Variants in RBFOX3 observed in about 807,000 individuals in gnomAD.
The protein encoded by RBFOX3 is RNA binding protein fox-1 homolog 3.
A neutral mutation model predicts 48.7 loss-of-function variants in RBFOX3; 17 were observed. The observed-to-expected ratio is 0.35, with a 90% CI of 0.24 to 0.52. RBFOX3 has a LOEUF of 0.52. Among genes scored for constraint, RBFOX3 ranks in the 20% least tolerant of loss-of-function variants. The pLI is 0.94. For synonymous variants in RBFOX3, 212 were observed against 209.5 expected (o/e 1.01, Z -0.10); for missense variants, 382 against 497.5 (o/e 0.77, Z 2.21).
chr17:79,581,498 G>A (rs1321128622), intron 1 of RBFOX3, among the ~76,000 whole-genome samples: 3 of 152,304 alleles, frequency 2.0e-5, no homozygotes, highest in South Asian at 2.1e-4. Context: ...GAGTCGTTAC[G>A]TCACTCACCG....
chr17:79,557,246 A>AAAAAGG (rs2091842499), intron 1 of RBFOX3, among the ~76,000 whole-genome samples: 5 of 132,256 alleles, frequency 3.8e-5, no homozygotes, highest in Admixed American at 1.6e-4. Context: ...AAAAAAAAAA[A>AAAAAGG]AAAGGAAAGG....
chr17:79,444,975 T>C (rs1555737297), intron 2 of RBFOX3, among the ~76,000 whole-genome samples: 1 of 152,172 alleles, frequency 6.6e-6, no homozygotes, highest in African/African-American at 2.4e-5. Context: ...TTTTCTGTTC[T>C]GGACATTTCA....
At chr17:79,278,259 C>A (rs1339889602) in intron 3 of RBFOX3, among the ~76,000 whole-genome samples, 1 of 152,188 alleles carries the variant, frequency 6.6e-6, no homozygotes, top group Non-Finnish European at 1.5e-5. Flanking sequence ...TCCAGGCTGC[C>A]TGCAGTAACA....
chr17:79,314,490 T>C (rs1302841456), intron 2 of RBFOX3, among the ~76,000 whole-genome samples: 2 of 152,028 alleles, frequency 1.3e-5, no homozygotes, highest in Admixed American at 6.5e-5. Context: ...CACAGCCAGG[T>C]CCACGCCTGA....
intron 1 of RBFOX3, among the ~76,000 whole-genome samples, chr17:79,494,111 C>CATAA (rs1434055976): frequency 6.6e-6 from 1 of 152,164 alleles, no homozygotes; most frequent in Non-Finnish European, 1.5e-5. Context: ...TCTCATATCT[C>CATAA]ATAAATAAAT....
At chr17:79,619,287 G>A in the RBFOX3 span, among the ~76,000 whole-genome samples, 1 of 152,194 alleles carries the variant, frequency 6.6e-6, no homozygotes, top group African/African-American at 2.4e-5. Context: ...CAAAACCAGA[G>A]GCTGAAAACA....
chr17:79,138,849 C>T (rs1365522997), intron 4 of RBFOX3, among the ~76,000 whole-genome samples: 1 of 129,566 alleles, frequency 7.7e-6, no homozygotes, highest in Non-Finnish European at 1.7e-5. Flanking sequence ...GCACACAGCA[C>T]ATGCATTCAC....
chr17:79,365,872 G>A (rs562690590), intron 2 of RBFOX3, among the ~76,000 whole-genome samples: 36 of 152,318 alleles, frequency 2.4e-4, no homozygotes, highest in South Asian at 1.7e-3. Flanking sequence ...AGAGCACAGC[G>A]GCCACACCTC....
chr17:79,310,808 T>G (rs2076748067), intron 2 of RBFOX3, among the ~76,000 whole-genome samples: 1 of 152,190 alleles, frequency 6.6e-6, no homozygotes, highest in Non-Finnish European at 1.5e-5. Context: ...GAAACATTGC[T>G]GTTTCCAGGA....
intron 3 of RBFOX3, among the ~76,000 whole-genome samples, chr17:79,294,467 C>G (rs528116749): frequency 6.6e-6 from 1 of 152,264 alleles, no homozygotes; most frequent in Admixed American, 6.5e-5. Flanking sequence ...CCTGCCACCA[C>G]GCCCAGCTAA....
chr17:79,397,390 G>T (rs1175457880), intron 2 of RBFOX3, among the ~76,000 whole-genome samples: 1 of 152,120 alleles, frequency 6.6e-6, no homozygotes, highest in Non-Finnish European at 1.5e-5. Flanking sequence ...CTACTCGGGG[G>T]TCTGAGGCAG....
intron 4 of RBFOX3, among the ~76,000 whole-genome samples, chr17:79,117,031 T>C (rs1221496753): frequency 6.6e-6 from 1 of 152,190 alleles, no homozygotes. Flanking sequence ...AGAGGAGGGC[T>C]GGGGTCTTTC....
At chr17:79,566,127 A>G (rs2092444761) in intron 1 of RBFOX3, among the ~76,000 whole-genome samples, 1 of 152,182 alleles carries the variant, frequency 6.6e-6, no homozygotes, top group Non-Finnish European at 1.5e-5. Context: ...ATCAGCAGCC[A>G]CAAGGAACAG....
rs2078407945 is a variant in RBFOX3 at position 79,479,141 on chromosome 17, G to T, written c.-175+3313C>A. On this transcript the variant is annotated intron_variant, in intron 2 of 14. Transcript: ENST00000693108. The surrounding 1 kb of genome is among the most constrained non-coding windows in gnomAD (Gnocchi z 5.1). ...GGGTTTCTCCATCACTGTTCTCCAA[G>T]TCCCTCTTAGGAAGCCCCTTCCTCT... 6.6e-6 allele frequency among the ~76,000 whole-genome samples: 1 copy of T among 152,186 alleles called. No homozygotes were observed. The highest frequency in any genetic ancestry group is 1.5e-5 in the Non-Finnish European group (1 of 68,028).
At chr17:79,180,217 C>T (rs1244908193) in intron 4 of RBFOX3, among the ~76,000 whole-genome samples, 2 of 152,282 alleles carry the variant, frequency 1.3e-5, no homozygotes, top group African/African-American at 4.8e-5. Flanking sequence ...GAGGGACACA[C>T]CCCATCCCCA....
intron 4 of RBFOX3, among the ~76,000 whole-genome samples, chr17:79,125,750 C>T (rs951137283): frequency 6.6e-6 from 1 of 152,200 alleles, no homozygotes; most frequent in African/African-American, 2.4e-5. Flanking sequence ...CCTGGGCCGG[C>T]GGGGCAGGCT....
chr17:79,339,460 C>T (rs549119202), intron 2 of RBFOX3, among the ~76,000 whole-genome samples: 29 of 152,332 alleles, frequency 1.9e-4, no homozygotes, highest in South Asian at 1.2e-3. Flanking sequence ...GCCTCACCCA[C>T]GAGCTCAGTA....
intron 3 of RBFOX3, among the ~76,000 whole-genome samples, chr17:79,275,857 G>C (rs2068704579): frequency 6.6e-6 from 1 of 152,210 alleles, no homozygotes; most frequent in African/African-American, 2.4e-5. Context: ...GAGGACCCAG[G>C]TGTTCCATCC....
intron 1 of RBFOX3, among the ~76,000 whole-genome samples, chr17:79,573,748 C>G (rs1456180386): frequency 6.6e-6 from 1 of 152,162 alleles, no homozygotes; most frequent in African/African-American, 2.4e-5. Context: ...CCCCTCCCCT[C>G]CCCCCGGCAT....
Sources: allele counts gnomAD v4.1 joint callset (sites outside exome capture counted in the v4.1 genomes callset), GRCh38; gene constraint gnomAD v4.1.1; non-coding constraint Gnocchi (gnomAD v3.1); transcripts MANE v1.5; gene names NCBI Gene and HGNC (gene_info 2026-07-23, HGNC 2026-07-21).